The following GAS2L3 variants were observed in gnomAD, a reference collection of about 807,000 sequenced individuals.
The protein encoded by GAS2L3 is growth arrest specific 2 like 3, also known as GAS2-like protein 3.
Under a neutral mutation model 37.0 loss-of-function variants are expected in GAS2L3, and 28 were observed. That is an observed-to-expected ratio of 0.76 (90% CI 0.56 to 1.04). The LOEUF is 1.04. Ranked by LOEUF, GAS2L3 falls within the 50% of genes least tolerant of loss-of-function variation. GAS2L3 has a pLI of 0.00. For missense variants in GAS2L3, 793 were observed against 817.6 expected (o/e 0.97, Z 0.37); for synonymous variants, 290 against 296.6 (o/e 0.98, Z 0.23).
chr12:100,579,650 T>C (rs1161339539), intron 1 of GAS2L3: 5 of 777,868 alleles, frequency 6.4e-6, no homozygotes, highest in Admixed American at 3.4e-5. Flanking sequence ...TTCAAGGACA[T>C]ATTTTTCTTA....
At chr12:100,582,821 C>T (rs1955730371) in intron 1 of GAS2L3, among the ~76,000 whole-genome samples, 3 of 152,168 alleles carry the variant, frequency 2.0e-5, no homozygotes, top group Admixed American at 1.3e-4. Context: ...CAGGGTTGTG[C>T]TGTGTTTGGA....
intron 5 of GAS2L3, among the ~76,000 whole-genome samples, chr12:100,608,052 G>C (rs1460974074): frequency 1.3e-5 from 2 of 152,016 alleles, no homozygotes; most frequent in East Asian, 3.9e-4. Flanking sequence ...TTGTTCTTGG[G>C]AAGGCTTTTC....
At chr12:100,592,336 G>A (rs1955856597) in intron 2 of GAS2L3, 1 of 152,028 alleles carries the variant, frequency 6.6e-6, no homozygotes, top group Non-Finnish European at 1.5e-5. Flanking sequence ...TTATTTCTTT[G>A]CTTTTTTTTG....
At chr12:100,581,792 T>C (rs1422182000) in intron 1 of GAS2L3, among the ~76,000 whole-genome samples, 1 of 152,224 alleles carries the variant, frequency 6.6e-6, no homozygotes, top group Non-Finnish European at 1.5e-5. Flanking sequence ...ATTATTTTAC[T>C]TAACAAGTTT....
chr12:100,600,947 T>C (rs1955980913), intron 4 of GAS2L3, among the ~76,000 whole-genome samples: 1 of 152,106 alleles, frequency 6.6e-6, no homozygotes, highest in African/African-American at 2.4e-5. Flanking sequence ...GTTAAATGAT[T>C]ACAATTTTTG....
rs553296767 is a variant in GAS2L3, at chr12:100,625,889, T to A, written c.*999T>A. 1 of 152,230 alleles carries A rather than the reference T, an allele frequency of 6.6e-6. No individual in the cohort carries two copies. Among genetic ancestry groups the A allele is most frequent in the Non-Finnish European group, 1.5e-5 (1 of 68,038 alleles). The allele number at this position is 152,230 out of a possible 1,614,324, so 9.4% of individuals were successfully genotyped here. A position where few individuals can be genotyped will look rare whatever the true frequency, so the allele number is the denominator to read the frequency against. On this transcript the variant is annotated 3_prime_UTR_variant, in exon 10 of 10. Coordinates refer to ENST00000547754, the MANE Select transcript of GAS2L3 (RefSeq NM_174942.3). ...TCTCTAGATAGCACAATACCAATTT[T>A]AATTAATTTCTTCCAATTAGGTTAC... is the stretch of plus-strand genomic sequence containing the variant.
intron 8 of GAS2L3, among the ~76,000 whole-genome samples, chr12:100,620,730 T>C (rs139054579): frequency 6.6e-6 from 1 of 152,176 alleles, no homozygotes; most frequent in Non-Finnish European, 1.5e-5. Flanking sequence ...TGTTACAAAA[T>C]ATACAACAGC....
intron 3 of GAS2L3, 138 bp downstream of exon 3, chr12:100,595,060 A>G (rs1202833890): frequency 1.3e-5 from 5 of 391,530 alleles, no homozygotes; most frequent in Admixed American, 4.7e-5. Flanking sequence ...AACACATACT[A>G]TATTTTGACT....
chr12:100,618,634 C>T (rs367890598), intron 8 of GAS2L3, 47 bp downstream of exon 8: 6 of 1,554,044 alleles, frequency 3.9e-6, no homozygotes, highest in Middle Eastern at 3.4e-4. Context: ...CTTGAAGTCT[C>T]ATAGTTTTAA....
intron 1 of GAS2L3, among the ~76,000 whole-genome samples, chr12:100,583,491 ATTTC>A (rs1295111026): frequency 6.6e-6 from 1 of 151,940 alleles, no homozygotes; most frequent in Non-Finnish European, 1.5e-5. Context: ...AACCTTAGTC[ATTTC>A]TTTCTTTCTT....
chr12:100,575,546 A>T (rs1250776084), intron 1 of GAS2L3, among the ~76,000 whole-genome samples: 2 of 129,046 alleles, frequency 1.5e-5, no homozygotes, highest in Non-Finnish European at 3.1e-5. Flanking sequence ...CAGTGGCGCG[A>T]TCTCGGCTCA....
At chr12:100,618,033 T>A (rs1326940788) in intron 7 of GAS2L3, among the ~76,000 whole-genome samples, 1 of 151,958 alleles carries the variant, frequency 6.6e-6, no homozygotes, top group Non-Finnish European at 1.5e-5. Context: ...ACTATGGGAG[T>A]GGTTACTTAA....
chr12:100,603,346 G>T (rs553628466), intron 5 of GAS2L3, among the ~76,000 whole-genome samples: 3 of 152,076 alleles, frequency 2.0e-5, no homozygotes, highest in Non-Finnish European at 4.4e-5. Context: ...TAATTGGGAT[G>T]AGATATCTCA....
chr12:100,573,729 C>G lies in GAS2L3; in HGVS notation c.-208C>G, dbSNP rs549005758. ...GCGGTTGGTCAGGGGCGTGTTGGCC[C>G]CGCACAGATTGAGCCGAGTTGTCGC... On this transcript the variant is annotated 5_prime_UTR_variant, in exon 1 of 10. Coordinates refer to ENST00000547754, the MANE Select transcript of GAS2L3 (RefSeq NM_174942.3). 1 of 155,862 alleles carries G rather than the reference C, an allele frequency of 6.4e-6. No homozygotes were observed. Among genetic ancestry groups the G allele is most frequent in the African/African-American group, 2.4e-5 (1 of 41,628 alleles). The allele number at this position is 155,862 out of a possible 1,614,324, so 9.7% of individuals were successfully genotyped here.
At chr12:100,589,101 G>A (rs1402787807) in intron 1 of GAS2L3, among the ~76,000 whole-genome samples, 1 of 152,116 alleles carries the variant, frequency 6.6e-6, no homozygotes, top group Non-Finnish European at 1.5e-5. Context: ...CAGGCATAAG[G>A]AATTATAAAA....
At chr12:100,575,015 AG>A (rs1327522672) in intron 1 of GAS2L3, among the ~76,000 whole-genome samples, 3 of 152,004 alleles carry the variant, frequency 2.0e-5, no homozygotes, top group Non-Finnish European at 2.9e-5. Context: ...GTTGCTAAGC[AG>A]GGGGGCTCTG....
chr12:100,623,648 A>G lies in GAS2L3; in HGVS notation c.843A>G (p.Arg281=). 1 of 1,613,990 alleles carries G rather than the reference A, an allele frequency of 6.2e-7. No homozygotes were observed. The highest frequency in any genetic ancestry group is 8.5e-7 in the Non-Finnish European group (1 of 1,179,880). Residue 281 remains arginine, a synonymous_variant, in exon 10 of 10, where the codon CGA becomes CGG. Coordinates refer to ENST00000547754, the MANE Select transcript of GAS2L3 (RefSeq NM_174942.3). The stretch of plus-strand genomic sequence containing the variant: ...TTTTGCTTAAATATGACCCCTGTCG[A>G]ATATTACAGTTTGCCACATTAGAAC... The part of the protein sequence containing the change: ...QGFLLKYDPC[R]ILQFATLEQK...
chr12:100,580,551 GT>G (rs1278568015), intron 1 of GAS2L3, among the ~76,000 whole-genome samples: 2 of 152,170 alleles, frequency 1.3e-5, no homozygotes, highest in Non-Finnish European at 2.9e-5. Context: ...TTTTTGGCCA[GT>G]TTTTAATGTT....
At chr12:100,617,312 C>A (rs577902374) in intron 6 of GAS2L3, among the ~76,000 whole-genome samples, 1 of 152,202 alleles carries the variant, frequency 6.6e-6, no homozygotes, top group South Asian at 2.1e-4. Flanking sequence ...CAGGGTAATG[C>A]TGTCATCCTA....
Sources: gnomAD v4.1 joint callset for allele counts (sites outside exome capture counted in the v4.1 genomes callset) on GRCh38, gnomAD v4.1.1 for gene constraint, MANE v1.5 for transcripts, NCBI Gene and HGNC (gene_info 2026-07-23, HGNC 2026-07-21) for gene names.